ERGIC1: variants seen among roughly 807,000 people sequenced by gnomAD.
ERGIC1 encodes endoplasmic reticulum-golgi intermediate compartment 1, also known as endoplasmic reticulum-Golgi intermediate compartment protein 1.
ERGIC1 carries 19 observed loss-of-function variants against 38.3 expected under a neutral mutation model. The ratio of observed to expected loss-of-function variants is 0.50; its 90% CI spans 0.35 to 0.73. ERGIC1 has a LOEUF of 0.73. Ranked by LOEUF, ERGIC1 falls within the 30% of genes least tolerant of loss-of-function variation. The pLI is 0.01. For synonymous variants in ERGIC1, 124 were observed against 157.6 expected, an observed-to-expected ratio of 0.79 and a Z score of 1.60; for missense variants, 294 against 389.2, an observed-to-expected ratio of 0.76 and a Z score of 2.06.
At chr5:172,932,802 T>C in intron 8 of ERGIC1, 1 of 431,278 alleles carries the variant, frequency 2.3e-6, no homozygotes, top group Non-Finnish European at 4.1e-6. Context: ...GTCTCTGTCC[T>C]ACAAAGGTCC....
At chr5:172,921,769 TC>T (rs35609404) in intron 5 of ERGIC1, 46,459 of 152,216 alleles carry the variant, frequency 0.31, 7,643 homozygotes, top group Non-Finnish European at 0.38. Context: ...GACTCTTAGT[TC>T]CTTAGACAGC....
chr5:172,865,913 A>C (rs930217616), intron 1 of ERGIC1, among the ~76,000 whole-genome samples: 1 of 152,310 alleles, frequency 6.6e-6, no homozygotes, highest in East Asian at 1.9e-4. Context: ...CCTGAGAAGC[A>C]AACCTTAAGC....
At position 172,834,538 on chromosome 5, in the gene ERGIC1, G is replaced by T. The variant is rs953424161; in HGVS notation, c.20+105G>T. The T allele has an allele frequency of 1.4e-5, 16 of 1,114,378 alleles. No homozygotes were observed. The highest frequency in any genetic ancestry group is 2.9e-4 in the Middle Eastern group (1 of 3,492). 69.0% of individuals were successfully genotyped at this position (1,114,378 alleles called of 1,614,324 possible). On this transcript the variant is annotated intron_variant, in intron 1 of 9. Coordinates refer to ENST00000393784, the MANE Select transcript of ERGIC1 (RefSeq NM_001031711.3). The surrounding 1 kb of genome is among the most constrained non-coding windows in gnomAD (Gnocchi z 4.1). The stretch of plus-strand genomic sequence containing the variant: ...GCCCTGCATGCAAAAGCGGCTCCCC[G>T]CCCTGTGCATGCCTCCGCAGGCCCC...
intron 4 of ERGIC1, among the ~76,000 whole-genome samples, chr5:172,912,313 A>G (rs1763226322): frequency 6.6e-6 from 1 of 152,114 alleles, no homozygotes; most frequent in Admixed American, 6.5e-5. Context: ...CCTAGTGGTG[A>G]GGTCTCTGTG....
intron 3 of ERGIC1, among the ~76,000 whole-genome samples, chr5:172,908,353 T>A (rs1216171328): frequency 2.0e-4 from 3 of 15,310 alleles, no homozygotes; most frequent in African/African-American, 2.8e-4. Context: ...AGGGGGGGGG[T>A]GGATCATGAG....
In ERGIC1 at chr5:172,880,662, T is replaced by A. The variant is rs531451420; in HGVS notation, c.21-8037T>A. Among the ~76,000 whole-genome samples, 4 of 152,352 alleles carry A rather than the reference T, an allele frequency of 2.6e-5. No homozygotes were observed. In the South Asian group the frequency reaches 8.3e-4, roughly 32 times the overall value. On this transcript the variant is annotated intron_variant, in intron 1 of 9. Coordinates refer to ENST00000393784, the MANE Select transcript of ERGIC1 (RefSeq NM_001031711.3). ...TCAATACTCTGAGTTTAATTGCACC[T>A]TCAAGTGAGCAAGGCACACCTCTTC...
intron 3 of ERGIC1, among the ~76,000 whole-genome samples, chr5:172,906,609 G>T (rs193076602): frequency 4.0e-4 from 61 of 152,278 alleles, no homozygotes; most frequent in African/African-American, 1.4e-3. Context: ...TAGTAAAAAC[G>T]AAATTCCTTT....
At chr5:172,909,802 C>T in intron 4 of ERGIC1, 41 bp downstream of exon 4, 1 of 1,550,134 alleles carries the variant, frequency 6.5e-7, no homozygotes, top group East Asian at 2.2e-5. Flanking sequence ...CAGGACACCT[C>T]CTTAGGGCAA....
intron 9 of ERGIC1, among the ~76,000 whole-genome samples, chr5:172,940,261 C>T (rs1407313774): frequency 1.3e-5 from 2 of 152,172 alleles, no homozygotes; most frequent in Non-Finnish European, 2.9e-5. Flanking sequence ...AGTTTTTCCT[C>T]CTGGAAGTCT....
At chr5:172,869,044 T>C (rs920700468) in intron 1 of ERGIC1, among the ~76,000 whole-genome samples, 2 of 152,200 alleles carry the variant, frequency 1.3e-5, no homozygotes, top group Non-Finnish European at 2.9e-5. Flanking sequence ...CCAGGCCTGC[T>C]GTCAGGTGCA....
intron 2 of ERGIC1, among the ~76,000 whole-genome samples, chr5:172,890,701 A>G (rs1454246638): frequency 6.6e-6 from 1 of 152,132 alleles, no homozygotes; most frequent in African/African-American, 2.4e-5. Flanking sequence ...TGGAGCCACG[A>G]CTCATACTCA....
intron 7 of ERGIC1, among the ~76,000 whole-genome samples, chr5:172,929,591 A>G (rs1404674898): frequency 6.6e-6 from 1 of 152,218 alleles, no homozygotes; most frequent in East Asian, 1.9e-4. Flanking sequence ...AAGCTAAGGA[A>G]ATAATTAAGA....
At position 172,922,082 on chromosome 5, in the gene ERGIC1, C is replaced by T. The variant is rs1581577546; in HGVS notation, c.376-1923C>T. 3 of 152,340 alleles carry T rather than the reference C, an allele frequency of 2.0e-5. No homozygotes were observed. In the East Asian group the frequency reaches 5.8e-4, roughly 29 times the overall value. The allele number at this position is 152,340 out of a possible 1,614,324, so 9.4% of individuals were successfully genotyped here. A position where few individuals can be genotyped will look rare whatever the true frequency, so the allele number is the denominator to read the frequency against. ...AGGCCAGATTCTTGTCTGCTCATCT[C>T]CCCAGTTCCGGCATCTCCTGAAGGA... On this transcript the variant is annotated intron_variant, in intron 5 of 9. Transcript: ENST00000393784.
In ERGIC1 at chr5:172,909,999, G is replaced by C. The variant is rs76688986; in HGVS notation, c.250+238G>C. Among the ~76,000 whole-genome samples the C allele has an allele frequency of 7.4e-3, 1,127 of 152,316 alleles. 9 individuals are homozygous for C. Among genetic ancestry groups the C allele is most frequent in the African/African-American group, 0.025 (1,055 of 41,568 alleles). On this transcript the variant is annotated intron_variant, in intron 4 of 9. Transcript: ENST00000393784. ...GCAGCTGATTTGGTGCAGGGAGGTG[G>C]GATGTCTCTTAGGGTCATGTTACAG...
intron 3 of ERGIC1, 76 bp downstream of exon 3, chr5:172,897,150 C>A: frequency 7.0e-7 from 1 of 1,438,564 alleles, no homozygotes; most frequent in Non-Finnish European, 9.7e-7. Context: ...GGTCTTTGGC[C>A]AGGTTTGGTG....
At chr5:172,883,263 C>A (rs531891899) in intron 1 of ERGIC1, among the ~76,000 whole-genome samples, 1 of 152,310 alleles carries the variant, frequency 6.6e-6, no homozygotes, top group South Asian at 2.1e-4. Flanking sequence ...TACATAATCA[C>A]AATACCATGA....
intron 3 of ERGIC1, 52 bp downstream of exon 3, chr5:172,897,126 C>A (rs1333620998): frequency 6.4e-7 from 1 of 1,563,166 alleles, no homozygotes; most frequent in South Asian, 1.1e-5. Flanking sequence ...GGACCCCAGA[C>A]AAGAAGAGGG....
At chr5:172,933,622 T>C (rs1763826401) in intron 8 of ERGIC1, 1 of 137,022 alleles carries the variant, frequency 7.3e-6, no homozygotes, top group Admixed American at 7.2e-5. Context: ...CTGTTCTGAC[T>C]CACCCTAAAT....
intron 9 of ERGIC1, among the ~76,000 whole-genome samples, chr5:172,944,771 C>CGCCT (rs1216318302): frequency 6.6e-6 from 1 of 152,186 alleles, no homozygotes; most frequent in East Asian, 1.9e-4. Context: ...AAGCCCAGGC[C>CGCCT]CTCTATGGCA....
Sources: gnomAD v4.1 joint callset for allele counts (sites outside exome capture counted in the v4.1 genomes callset) on GRCh38, gnomAD v4.1.1 for gene constraint, Gnocchi (gnomAD v3.1) non-coding constraint, MANE v1.5 for transcripts, NCBI Gene and HGNC (gene_info 2026-07-23, HGNC 2026-07-21) for gene names.